Variants in PIP observed in about 807,000 individuals in gnomAD.
The protein encoded by PIP is prolactin induced protein.
In PIP, 9 loss-of-function variants were observed where a neutral mutation model predicts 12.8. The ratio of observed to expected loss-of-function variants is 0.70; its 90% CI spans 0.42 to 1.23. The LOEUF (loss-of-function observed/expected upper bound fraction) is 1.23, where lower values mean the gene tolerates loss of function less well. PIP is among the 50% of genes most tolerant of loss of function. The pLI is 0.00. For missense variants in PIP, 172 were observed against 179.5 expected (o/e 0.96, Z 0.24); for synonymous variants, 60 against 66.1 (o/e 0.91, Z 0.45).
At chr7:143,133,337 T>C (rs990913952) in intron 1 of PIP, among the ~76,000 whole-genome samples, 2 of 151,882 alleles carry the variant, frequency 1.3e-5, no homozygotes, top group Admixed American at 6.6e-5. Flanking sequence ...ATGGGAGAGA[T>C]TTTGAAGTTG....
intron 2 of PIP, among the ~76,000 whole-genome samples, chr7:143,138,621 A>G (rs560468314): frequency 2.0e-5 from 3 of 152,278 alleles, no homozygotes; most frequent in African/African-American, 7.2e-5. Context: ...CAAGTCAGAG[A>G]GGAGCACAGA....
At chr7:143,137,519 T>C (rs1257018465) in intron 2 of PIP, among the ~76,000 whole-genome samples, 5 of 152,140 alleles carry the variant, frequency 3.3e-5, no homozygotes, top group Non-Finnish European at 5.9e-5. Flanking sequence ...CCACGTGCCA[T>C]GCTAGGCATG....
chr7:143,134,553 T>G (rs901704504), intron 1 of PIP, among the ~76,000 whole-genome samples: 5 of 151,882 alleles, frequency 3.3e-5, no homozygotes, highest in Non-Finnish European at 7.4e-5. Context: ...TTACGGCCAT[T>G]CTTGCAGGAG....
intron 3 of PIP, 73 bp downstream of exon 3, chr7:143,139,262 T>C (rs1799342674): frequency 2.1e-6 from 2 of 961,304 alleles, no homozygotes; most frequent in Non-Finnish European, 3.4e-6. Flanking sequence ...AACAGAAACA[T>C]GGCTGCGAAC....
rs1799340252 is a variant in PIP at position 143,139,137 on chromosome 7, C to T, written c.264C>T (p.Ala88=). 2 of 1,606,262 alleles carry T rather than the reference C, an allele frequency of 1.2e-6. No individual in the cohort carries two copies. Among genetic ancestry groups the T allele is most frequent in the South Asian group, 2.2e-5 (2 of 91,032 alleles). The change falls in exon 3 of 4, where the codon GCC becomes GCT. Residue 88 remains alanine, a synonymous_variant. Transcript: ENST00000291009. ...LQGAFNYKYT[A]CLCDDNPKTF... The stretch of plus-strand genomic sequence containing the variant: ...GTGCATTTAACTATAAGTATACTGC[C>T]TGCCTATGTGACGACAATCCAAAAA...
intron 2 of PIP, among the ~76,000 whole-genome samples, chr7:143,136,534 A>C (rs1490655335): frequency 6.6e-6 from 1 of 152,068 alleles, no homozygotes; most frequent in African/African-American, 2.4e-5. Context: ...ATGTACACTA[A>C]TTTGGGGTAG....
At position 143,135,228 on chromosome 7, in the gene PIP, A is replaced by C; in HGVS notation, c.130A>C (p.Lys44Gln). 27 of 1,597,880 alleles carry C rather than the reference A, an allele frequency of 1.7e-5. No individual in the cohort carries two copies. The highest frequency in any genetic ancestry group is 2.2e-5 in the Non-Finnish European group (26 of 1,165,370). Residue 44 changes from lysine (K) to glutamine (Q), a missense_variant, in exon 2 of 4, where the codon AAG (lysine) becomes CAG (glutamine). By Grantham distance (53) the Lys-to-Gln change is moderately conservative. Transcript: ENST00000291009. Reference protein sequence around the residue: ...KIIIKNFDIPKSVRPNDEVTA... With the variant: ...KIIIKNFDIPQSVRPNDEVTA... ...CATAATAAAGAATTTTGACATTCCC[A>C]AGTCAGTACGTCCAAATGACGAAGT...
intron 2 of PIP, among the ~76,000 whole-genome samples, chr7:143,137,428 T>C (rs918141655): frequency 1.3e-5 from 2 of 152,158 alleles, no homozygotes; most frequent in Non-Finnish European, 2.9e-5. Flanking sequence ...TTTTATTCTA[T>C]GAACACATTA....
In PIP at chr7:143,135,229, A is replaced by AAT; in HGVS notation, c.131_132insAT (p.Ser45CysfsTer19). ...ATAATAAAGAATTTTGACATTCCCA[A>AAT]GTCAGTACGTCCAAATGACGAAGTC... is the stretch of plus-strand genomic sequence containing the variant. On this transcript the variant is annotated frameshift_variant, in exon 2 of 4. Transcript: ENST00000291009. LOFTEE classifies it high-confidence loss of function. 1 of 1,598,476 alleles carries AAT rather than the reference A, an allele frequency of 6.3e-7. No individual in the cohort carries two copies. Among genetic ancestry groups the AAT allele is most frequent in the Non-Finnish European group, 8.6e-7 (1 of 1,165,898 alleles).
intron 2 of PIP, among the ~76,000 whole-genome samples, chr7:143,137,485 T>C (rs1451294895): frequency 6.6e-6 from 1 of 152,162 alleles, no homozygotes; most frequent in East Asian, 1.9e-4. Flanking sequence ...TACATTAAAC[T>C]GCACTGGTCT....
rs1207257500 is a variant in PIP at position 143,135,224 on chromosome 7, T to C, written c.126T>C (p.Ile42=). 6.3e-7 allele frequency: 1 copy of C among 1,595,522 alleles called. No homozygotes were observed. The highest frequency in any genetic ancestry group is 1.1e-5 in the South Asian group (1 of 90,670). The change falls in exon 2 of 4, where the codon ATT becomes ATC. Residue 42 remains isoleucine (I), a synonymous_variant. Coordinates refer to ENST00000291009, the MANE Select transcript of PIP (RefSeq NM_002652.3). Reference sequence around the variant, plus strand: ...AGATCATAATAAAGAATTTTGACATTCCCAAGTCAGTACGTCCAAATGACG... The same window carrying C: ...AGATCATAATAAAGAATTTTGACATCCCCAAGTCAGTACGTCCAAATGACG... ...TRKIIIKNFD[I]PKSVRPNDEV... is the part of the protein sequence containing the mutation.
chr7:143,132,372 C>T (rs1434140539), intron 1 of PIP, among the ~76,000 whole-genome samples, 161 bp downstream of exon 1: 5 of 152,088 alleles, frequency 3.3e-5, no homozygotes, highest in Non-Finnish European at 7.4e-5. Context: ...TTCTTGTCCT[C>T]TTAGGAAGCC....
rs1283940096 is a variant in PIP at position 143,135,199 on chromosome 7, A to C, written c.101A>C (p.Lys34Thr). The stretch of plus-strand genomic sequence containing the variant: ...TTCTCTCTTCCCACAATCAGTCGGA[A>C]GATCATAATAAAGAATTTTGACATT... ...GANKAQDNTR[K>T]IIIKNFDIPK... Residue 34 changes from lysine to threonine, a missense_variant, in exon 2 of 4, where the codon AAG becomes ACG. Lys to Thr is a moderately conservative substitution (Grantham distance 78). Coordinates refer to ENST00000291009, the MANE Select transcript of PIP (RefSeq NM_002652.3). 3 of 1,542,062 alleles carry C rather than the reference A, an allele frequency of 1.9e-6. No individual in the cohort carries two copies. The highest frequency in any genetic ancestry group is 1.7e-4 in the Middle Eastern group (1 of 5,938).
chr7:143,139,541 G>C lies in PIP; in HGVS notation c.340G>C (p.Val114Leu). Residue 114 changes from valine (V) to leucine (L), a missense_variant, in exon 4 of 4, where the codon GTT becomes CTT. Coordinates refer to ENST00000291009, the MANE Select transcript of PIP (RefSeq NM_002652.3). ...TNRTVQIAAV[V>L]DVIRELGICP... The stretch of plus-strand genomic sequence containing the variant: ...AGGAACTGTGCAAATTGCAGCCGTC[G>C]TTGATGTTATTCGGGAATTAGGCAT... 1 of 1,613,266 alleles carries C rather than the reference G, an allele frequency of 6.2e-7. No individual in the cohort carries two copies.
chr7:143,137,454 T>C (rs1229557054), intron 2 of PIP, among the ~76,000 whole-genome samples: 1 of 152,188 alleles, frequency 6.6e-6, no homozygotes, highest in Non-Finnish European at 1.5e-5. Flanking sequence ...GTGATGGATG[T>C]TGTTACTTAG....
intron 2 of PIP, among the ~76,000 whole-genome samples, chr7:143,136,224 G>A (rs745527209): frequency 1.3e-4 from 20 of 152,002 alleles, no homozygotes; most frequent in South Asian, 4.2e-4. Context: ...CACTACCTTT[G>A]TTCTAGGGCC....
At chr7:143,137,697 C>T (rs1445840171) in intron 2 of PIP, among the ~76,000 whole-genome samples, 2 of 151,908 alleles carry the variant, frequency 1.3e-5, no homozygotes, top group Non-Finnish European at 2.9e-5. Flanking sequence ...GTCAGGAGTT[C>T]GAGACCAGCT....
At chr7:143,134,549 C>A (rs189198340) in intron 1 of PIP, among the ~76,000 whole-genome samples, 1 of 151,824 alleles carries the variant, frequency 6.6e-6, no homozygotes, top group Non-Finnish European at 1.5e-5. Context: ...TTGATTACGG[C>A]CATTCTTGCA....
At chr7:143,134,379 T>C (rs1011204758) in intron 1 of PIP, among the ~76,000 whole-genome samples, 1 of 151,282 alleles carries the variant, frequency 6.6e-6, no homozygotes, top group African/African-American at 2.4e-5. Context: ...AGATACCCAG[T>C]AGTGGGATTG....
Sources: gnomAD v4.1 joint callset for allele counts (sites outside exome capture counted in the v4.1 genomes callset) on GRCh38, gnomAD v4.1.1 for gene constraint, MANE v1.5 for transcripts, NCBI Gene and HGNC (gene_info 2026-07-23, HGNC 2026-07-21) for gene names.